The following RIMBP2 variants were observed in gnomAD, a reference collection of about 807,000 sequenced individuals.
The protein encoded by RIMBP2 is RIMS binding protein 2, also known as RIMS-binding protein 2.
RIMBP2 carries 48 observed loss-of-function variants against 118.6 expected under a neutral mutation model. The observed-to-expected ratio is 0.40, with a 90% CI of 0.32 to 0.51. RIMBP2 has a LOEUF of 0.51. RIMBP2 is among the 20% of genes least tolerant of loss of function. The pLI, the probability that RIMBP2 is intolerant of heterozygous loss-of-function variation, is 0.41. For missense variants in RIMBP2, 1,551 were observed against 1,768.3 expected (o/e 0.88, Z 2.20); for synonymous variants, 762 against 742.9 (o/e 1.03, Z -0.42).
chr12:130,573,395 T>C (rs12312285), intron 2 of RIMBP2, among the ~76,000 whole-genome samples: 1 of 150,790 alleles, frequency 6.6e-6, no homozygotes, highest in East Asian at 1.9e-4. Flanking sequence ...TGTTCGCGCG[T>C]GTGTGTGCGA....
chr12:130,604,740 G>GCCCGGCCT (rs1167211619), intron 2 of RIMBP2, among the ~76,000 whole-genome samples: 4 of 41,910 alleles, frequency 9.5e-5, no homozygotes, highest in Non-Finnish European at 2.4e-4. Context: ...CCACCACCAC[G>GCCCGGCCT]CCCGGCTAAT....
intron 4 of RIMBP2, among the ~76,000 whole-genome samples, chr12:130,490,316 ATCTG>A (rs1452733072): frequency 6.6e-6 from 1 of 152,140 alleles, no homozygotes; most frequent in Non-Finnish European, 1.5e-5. Flanking sequence ...CAGAAAATAA[ATCTG>A]TCCAGGAAAA....
chr12:130,650,782 C>T (rs1398046543), intron 1 of RIMBP2, among the ~76,000 whole-genome samples: 4 of 151,896 alleles, frequency 2.6e-5, no homozygotes, highest in African/African-American at 9.7e-5. Context: ...AGTGGAGCGT[C>T]GGGGGAGAGA....
chr12:130,428,042 G>T (rs2076909595), intron 15 of RIMBP2, 137 bp downstream of exon 15: 4 of 751,966 alleles, frequency 5.3e-6, no homozygotes, highest in Non-Finnish European at 6.2e-6. Context: ...TAGTGAGAAA[G>T]AAGCGAATCC....
chr12:130,689,858 G>T (rs374861108), intron 1 of RIMBP2, among the ~76,000 whole-genome samples: 1 of 152,186 alleles, frequency 6.6e-6, no homozygotes, highest in Non-Finnish European at 1.5e-5. Context: ...TGGGTCAGGC[G>T]TCTGGGCAGG....
chr12:130,665,213 T>A (rs1445432431), intron 1 of RIMBP2, among the ~76,000 whole-genome samples: 1 of 151,586 alleles, frequency 6.6e-6, no homozygotes, highest in East Asian at 1.9e-4. Flanking sequence ...CCTGATGCCA[T>A]GCTCCGAGAT....
intron 3 of RIMBP2, among the ~76,000 whole-genome samples, chr12:130,515,788 C>T (rs1404800503): frequency 6.6e-6 from 1 of 152,062 alleles, no homozygotes; most frequent in Admixed American, 6.5e-5. Flanking sequence ...ACCTCAACCT[C>T]CCAGGTTCAA....
rs1215969447 is a variant in RIMBP2, at chr12:130,511,680, C to T, written c.-126-4910G>A. Among the ~76,000 whole-genome samples the T allele has an allele frequency of 6.6e-6, 1 of 152,234 alleles. No individual in the cohort carries two copies. Among genetic ancestry groups the T allele is most frequent in the African/African-American group, 2.4e-5 (1 of 41,454 alleles). ...GGGACCAGACTGAGACCGTCTGTGA[C>T]ACGGTTCTGATGAGCCTGGAGCAGA... is the stretch of plus-strand genomic sequence containing the variant. On this transcript the variant is annotated intron_variant, in intron 3 of 22. Transcript: ENST00000690449. This position sits in a 1 kb window ranked among gnomAD's most constrained non-coding sequence, Gnocchi z 4.3.
In RIMBP2 at chr12:130,457,971, C is replaced by A. The variant is rs538910889; in HGVS notation, c.154-1271G>T. On this transcript the variant is annotated intron_variant, in intron 6 of 22. Coordinates refer to ENST00000690449, the MANE Select transcript of RIMBP2 (RefSeq NM_001393629.1). ...TGTGGGGCTGACGACACTGACGTTT[C>A]CCCCAGTGAAATGTCAGCCCCATGA... Among the ~76,000 whole-genome samples, 12 of 152,260 alleles carry A rather than the reference C, an allele frequency of 7.9e-5. No homozygotes were observed. In the East Asian group the frequency reaches 9.7e-4, roughly 12 times the overall value.
intron 2 of RIMBP2, among the ~76,000 whole-genome samples, chr12:130,551,257 T>C (rs958494629): frequency 6.6e-6 from 1 of 152,146 alleles, no homozygotes; most frequent in Non-Finnish European, 1.5e-5. Flanking sequence ...TGGCCAGTCA[T>C]GATGGTAGAG....
intron 2 of RIMBP2, among the ~76,000 whole-genome samples, chr12:130,537,801 A>C (rs2139481708): frequency 6.6e-6 from 1 of 152,336 alleles, no homozygotes; most frequent in South Asian, 2.1e-4. Flanking sequence ...GAGTTTGCCT[A>C]TCTGCCTAGC....
chr12:130,456,472 A>C, intron 7 of RIMBP2, 24 bp downstream of exon 7: 1 of 1,540,664 alleles, frequency 6.5e-7, no homozygotes, highest in Non-Finnish European at 8.8e-7. Flanking sequence ...CACCACAGCC[A>C]AGGCGGAAGG....
chr12:130,437,419 A>C, intron 12 of RIMBP2, 128 bp from the exon 13 acceptor site: 1 of 739,604 alleles, frequency 1.4e-6, no homozygotes. Flanking sequence ...TCCGACTCCA[A>C]CCACCCGCCA....
At chr12:130,676,122 A>C (rs1390392606) in intron 1 of RIMBP2, among the ~76,000 whole-genome samples, 1 of 152,238 alleles carries the variant, frequency 6.6e-6, no homozygotes, top group Non-Finnish European at 1.5e-5. Flanking sequence ...TGGGCTTCCC[A>C]GCCACCAGCG....
intron 18 of RIMBP2, among the ~76,000 whole-genome samples, chr12:130,413,402 G>A (rs970682553): frequency 2.6e-5 from 4 of 152,030 alleles, no homozygotes; most frequent in Admixed American, 1.3e-4. Context: ...GGCCAAGGCG[G>A]GCAGATCACT....
chr12:130,450,165 C>T lies in RIMBP2; in HGVS notation c.581+35G>A. 6.8e-7 allele frequency: 1 copy of T among 1,466,648 alleles called. No individual in the cohort carries two copies. The highest frequency in any genetic ancestry group is 9.4e-7 in the Non-Finnish European group (1 of 1,058,236). The allele number at this position is 1,466,648 out of a possible 1,614,324, so 90.9% of individuals were successfully genotyped here. On this transcript the variant is annotated intron_variant, in intron 9 of 22. Transcript: ENST00000690449. This position sits in a 1 kb window ranked among gnomAD's most constrained non-coding sequence, Gnocchi z 4.8. ...CCCAACATCTCATCTGCCCCACTCA[C>T]AGGGGCTCGGTGGACGCCGAGGGGC...
At chr12:130,687,597 G>T (rs2065116324) in intron 1 of RIMBP2, among the ~76,000 whole-genome samples, 1 of 152,120 alleles carries the variant, frequency 6.6e-6, no homozygotes, top group African/African-American at 2.4e-5. Context: ...AGGTGACTGG[G>T]CATTGAACAA....
chr12:130,468,260 C>G (rs2080683120), intron 6 of RIMBP2, among the ~76,000 whole-genome samples: 1 of 152,220 alleles, frequency 6.6e-6, no homozygotes, highest in South Asian at 2.1e-4. Flanking sequence ...TCTCTGCTTC[C>G]CAGGAGCTGG....
In RIMBP2 at chr12:130,475,330, C is replaced by T. The variant is rs1023912027; in HGVS notation, c.102+3582G>A. Among the ~76,000 whole-genome samples, 6 of 152,170 alleles carry T rather than the reference C, an allele frequency of 3.9e-5. No individual in the cohort carries two copies. Among genetic ancestry groups the T allele is most frequent in the African/African-American group, 1.4e-4 (6 of 41,428 alleles). The stretch of plus-strand genomic sequence containing the variant: ...TGGACAAGGTGCTGGGATGCAGGCC[C>T]CTGATATTAGACGCCTGAATGTCCA... On this transcript the variant is annotated intron_variant, in intron 5 of 22. Coordinates refer to ENST00000690449, the MANE Select transcript of RIMBP2 (RefSeq NM_001393629.1). This position sits in a 1 kb window ranked among gnomAD's most constrained non-coding sequence, Gnocchi z 4.1.
Sources: allele counts gnomAD v4.1 joint callset (sites outside exome capture counted in the v4.1 genomes callset), GRCh38; gene constraint gnomAD v4.1.1; non-coding constraint Gnocchi (gnomAD v3.1); transcripts MANE v1.5; gene names NCBI Gene and HGNC (gene_info 2026-07-23, HGNC 2026-07-21).